ATRNL1: variants seen among roughly 807,000 people sequenced by gnomAD.
ATRNL1 encodes the protein attractin-like protein 1.
ATRNL1 carries 95 observed loss-of-function variants against 182.7 expected under a neutral mutation model. That is an observed-to-expected ratio of 0.52 (90% CI 0.44 to 0.62). ATRNL1 has a LOEUF of 0.62. Among genes scored for constraint, ATRNL1 ranks in the 20% least tolerant of loss-of-function variants. The pLI, the probability that ATRNL1 is intolerant of heterozygous loss-of-function variation, is 0.00. For missense variants in ATRNL1, 1,471 were observed against 1,679.5 expected (o/e 0.88, Z 2.17); for synonymous variants, 576 against 568.3 (o/e 1.01, Z -0.19).
chr10:115,469,209 C>G lies in ATRNL1; in HGVS notation c.3534C>G (p.Ser1178=). The G allele has an allele frequency of 7.3e-7, 1 of 1,378,350 alleles. No individual in the cohort carries two copies. The highest frequency in any genetic ancestry group is 9.7e-7 in the Non-Finnish European group (1 of 1,033,550). The allele number at this position is 1,378,350 out of a possible 1,614,324, so 85.4% of individuals were successfully genotyped here. A position where few individuals can be genotyped will look rare whatever the true frequency, so the allele number is the denominator to read the frequency against. ...CTGGGGAAGAGACTTCTATAGTTTC[C>G]AAGAATAATATAAAGGAATACAGAG... ...TISGEETSIV[S]KNNIKEYRDS... is the part of the protein sequence containing the mutation. Residue 1178 remains serine, a synonymous_variant, in exon 24 of 29, where the codon TCC becomes TCG. Transcript: ENST00000355044.
At chr10:115,791,136 A>G (rs1345023660) in intron 27 of ATRNL1, among the ~76,000 whole-genome samples, 1 of 152,134 alleles carries the variant, frequency 6.6e-6, no homozygotes, top group Non-Finnish European at 1.5e-5. Context: ...CCAGGTCCAC[A>G]TAGCTTACTT....
chr10:115,880,333 A>C (rs943376701), intron 28 of ATRNL1, among the ~76,000 whole-genome samples: 65 of 152,308 alleles, frequency 4.3e-4, no homozygotes, highest in African/African-American at 1.5e-3. Context: ...CCTGTGATAA[A>C]TAGAAAGGGG....
intron 27 of ATRNL1, among the ~76,000 whole-genome samples, chr10:115,788,139 A>G (rs960790661): frequency 5.9e-5 from 9 of 152,312 alleles, no homozygotes; most frequent in African/African-American, 1.4e-4. Flanking sequence ...CTGGATTTAT[A>G]TATAGTAGTT....
intron 24 of ATRNL1, among the ~76,000 whole-genome samples, chr10:115,511,872 A>G (rs547106214): frequency 2.0e-5 from 3 of 151,836 alleles, no homozygotes; most frequent in South Asian, 4.1e-4. Context: ...AATTTTTAGC[A>G]TGTTGTCTTA....
At chr10:115,244,517 A>T (rs1250254944) in intron 10 of ATRNL1, among the ~76,000 whole-genome samples, 1 of 152,188 alleles carries the variant, frequency 6.6e-6, no homozygotes, top group African/African-American at 2.4e-5. Flanking sequence ...AAAAGTGACT[A>T]AAGTGCAGCT....
intron 27 of ATRNL1, among the ~76,000 whole-genome samples, chr10:115,733,181 A>G (rs1947850329): frequency 1.3e-5 from 2 of 152,182 alleles, no homozygotes; most frequent in African/African-American, 2.4e-5. Flanking sequence ...TTTTAAAGAC[A>G]GTTGTTTACA....
intron 5 of ATRNL1, among the ~76,000 whole-genome samples, chr10:115,137,044 T>C (rs1394660916): frequency 6.6e-6 from 1 of 152,164 alleles, no homozygotes; most frequent in Non-Finnish European, 1.5e-5. Flanking sequence ...AATAGAACAG[T>C]AATTTTCAAA....
chr10:115,462,117 C>G, intron 22 of ATRNL1, 82 bp downstream of exon 22: 1 of 940,472 alleles, frequency 1.1e-6, no homozygotes, highest in Non-Finnish European at 1.6e-6. Context: ...TACCTCTTCT[C>G]AGAATTATCA....
intron 28 of ATRNL1, among the ~76,000 whole-genome samples, chr10:115,894,989 T>G (rs1952170966): frequency 6.6e-6 from 1 of 152,182 alleles, no homozygotes; most frequent in Non-Finnish European, 1.5e-5. Context: ...CTTGTTTTCT[T>G]AAGTAAAACT....
intron 19 of ATRNL1, among the ~76,000 whole-genome samples, chr10:115,376,115 G>A (rs1857655378): frequency 6.6e-6 from 1 of 151,824 alleles, no homozygotes; most frequent in South Asian, 2.1e-4. Context: ...AAAAGTCTTG[G>A]TGGTGTTTTT....
chr10:115,807,170 T>TA (rs1250868862), intron 27 of ATRNL1, among the ~76,000 whole-genome samples: 8 of 150,942 alleles, frequency 5.3e-5, no homozygotes, highest in African/African-American at 7.3e-5. Context: ...TGCAGTGGTG[T>TA]AGTGGCATGA....
At chr10:115,373,322 C>G (rs1857492775) in intron 19 of ATRNL1, among the ~76,000 whole-genome samples, 1 of 151,972 alleles carries the variant, frequency 6.6e-6, no homozygotes, top group Admixed American at 6.6e-5. Context: ...GACAATTTTA[C>G]TTATTTCTTT....
At chr10:115,718,533 C>G (rs2134036908) in intron 26 of ATRNL1, among the ~76,000 whole-genome samples, 1 of 152,182 alleles carries the variant, frequency 6.6e-6, no homozygotes, top group Non-Finnish European at 1.5e-5. Flanking sequence ...CTGTTGGTCA[C>G]CAGAAAAGAT....
At chr10:115,833,778 C>T (rs181473368) in intron 27 of ATRNL1, among the ~76,000 whole-genome samples, 1 of 152,232 alleles carries the variant, frequency 6.6e-6, no homozygotes, top group East Asian at 1.9e-4. Context: ...TACCAGAGCC[C>T]ACATGTTTAC....
chr10:115,301,261 G>A (rs1361670478), intron 16 of ATRNL1, among the ~76,000 whole-genome samples: 1 of 151,972 alleles, frequency 6.6e-6, no homozygotes, highest in Non-Finnish European at 1.5e-5. Context: ...TATATATATA[G>A]CCAGAAGCAG....
rs116127474 is a variant in ATRNL1, at chr10:115,319,707, C to T, written c.3037+3971C>T. Among the ~76,000 whole-genome samples the T allele has an allele frequency of 4.2e-3, 636 of 150,110 alleles. 4 individuals are homozygous for T. The highest frequency in any genetic ancestry group is 0.015 in the African/African-American group (612 of 40,822). ...TGTTTGTCAGAGACTAGTATTGCAT[C>T]CCCTGCTTTTTTTTTTTTTAACTTT... On this transcript the variant is annotated intron_variant, in intron 18 of 28. Transcript: ENST00000355044.
At chr10:115,584,437 G>C (rs1555009111) in intron 26 of ATRNL1, among the ~76,000 whole-genome samples, 1 of 141,376 alleles carries the variant, frequency 7.1e-6, no homozygotes, top group Non-Finnish European at 1.6e-5. Context: ...TGGTGTTATT[G>C]GTCTATTCAG....
intron 20 of ATRNL1, among the ~76,000 whole-genome samples, chr10:115,403,610 G>A (rs1198532787): frequency 1.3e-5 from 2 of 151,772 alleles, no homozygotes; most frequent in African/African-American, 2.4e-5. Flanking sequence ...ACTCGCCACC[G>A]CACCCGGCTA....
intron 26 of ATRNL1, among the ~76,000 whole-genome samples, chr10:115,577,978 T>C (rs1854828813): frequency 6.6e-6 from 1 of 151,812 alleles, no homozygotes; most frequent in Non-Finnish European, 1.5e-5. Context: ...TACTGAACTT[T>C]GTCAAATGCT....
Sources: allele counts gnomAD v4.1 joint callset (sites outside exome capture counted in the v4.1 genomes callset), GRCh38; gene constraint gnomAD v4.1.1; transcripts MANE v1.5; gene names NCBI Gene and HGNC (gene_info 2026-07-23, HGNC 2026-07-21).